The following CNTNAP2 variants were observed in gnomAD, a reference collection of about 807,000 sequenced individuals.
CNTNAP2 encodes contactin associated protein 2, also known as contactin-associated protein-like 2.
A neutral mutation model predicts 155.2 loss-of-function variants in CNTNAP2; 98 were observed. The observed-to-expected ratio is 0.63, with a 90% CI of 0.54 to 0.75. CNTNAP2 has a LOEUF of 0.75. Ranked by LOEUF, CNTNAP2 falls within the 30% of genes least tolerant of loss-of-function variation. The pLI is 0.00. For synonymous variants in CNTNAP2, 651 were observed against 631.2 expected, an observed-to-expected ratio of 1.03 and a Z score of -0.47; for missense variants, 1,727 against 1,688.1, an observed-to-expected ratio of 1.02 and a Z score of -0.40.
chr7:147,522,546 T>A (rs990630144), intron 11 of CNTNAP2, among the ~76,000 whole-genome samples: 37 of 152,070 alleles, frequency 2.4e-4, no homozygotes, highest in Middle Eastern at 3.4e-3. Flanking sequence ...AAAAAAAAAT[T>A]TCAAGGGAGC....
intron 13 of CNTNAP2, among the ~76,000 whole-genome samples, chr7:147,803,292 G>A (rs1798037218): frequency 6.6e-6 from 1 of 152,184 alleles, no homozygotes; most frequent in South Asian, 2.1e-4. Flanking sequence ...TCAGCCTAGA[G>A]CCTAATTCTG....
At chr7:147,641,548 A>G (rs1179888100) in intron 13 of CNTNAP2, among the ~76,000 whole-genome samples, 2 of 152,176 alleles carry the variant, frequency 1.3e-5, no homozygotes, top group Non-Finnish European at 2.9e-5. Flanking sequence ...AATGAGTGCT[A>G]TGGACTGAAT....
intron 15 of CNTNAP2, among the ~76,000 whole-genome samples, chr7:148,045,335 G>A (rs1379642962): frequency 6.6e-6 from 1 of 152,038 alleles, no homozygotes; most frequent in African/African-American, 2.4e-5. Flanking sequence ...GTGGGTGGTG[G>A]GGGGCGTTAC....
At chr7:146,776,146 C>A (rs1585085090) in intron 2 of CNTNAP2, among the ~76,000 whole-genome samples, 1 of 152,104 alleles carries the variant, frequency 6.6e-6, no homozygotes, top group Admixed American at 6.5e-5. Flanking sequence ...TGATACAGAC[C>A]TTCCCATTAC....
At chr7:147,881,795 A>G (rs1330789666) in intron 13 of CNTNAP2, among the ~76,000 whole-genome samples, 2 of 152,184 alleles carry the variant, frequency 1.3e-5, no homozygotes, top group Admixed American at 6.5e-5. Context: ...ACAACGGTGA[A>G]ACCCCGTCTC....
At chr7:147,605,509 G>A (rs1279230477) in intron 12 of CNTNAP2, among the ~76,000 whole-genome samples, 6 of 152,250 alleles carry the variant, frequency 3.9e-5, no homozygotes, top group African/African-American at 7.2e-5. Flanking sequence ...TGCAGATAAA[G>A]TCTCTCTGGT....
chr7:146,942,380 T>C (rs11972077), intron 3 of CNTNAP2, among the ~76,000 whole-genome samples: 1,857 of 152,140 alleles, frequency 0.012, 36 homozygotes, highest in African/African-American at 0.043. Flanking sequence ...CAAATTCAAA[T>C]AAATGACATT....
At chr7:147,853,243 T>G (rs1360732879) in intron 13 of CNTNAP2, among the ~76,000 whole-genome samples, 6 of 152,314 alleles carry the variant, frequency 3.9e-5, no homozygotes, top group African/African-American at 1.2e-4. Flanking sequence ...AAGTCTGAAT[T>G]AGAAATCACC....
chr7:146,507,205 T>C lies in CNTNAP2; in HGVS notation c.98-267066T>C, dbSNP rs527290284. Among the ~76,000 whole-genome samples, 31 of 152,290 alleles carry C rather than the reference T, an allele frequency of 2.0e-4. No homozygotes were observed. The South Asian group carries it at 5.6e-3, about 27-fold the overall frequency. Reference sequence around the variant, plus strand: ...GTCACACTCTCACAAGCCTGAAGGGTGGCATATACAGTTGTTAATTCCTTC... The same window carrying C: ...GTCACACTCTCACAAGCCTGAAGGGCGGCATATACAGTTGTTAATTCCTTC... On this transcript the variant is annotated intron_variant, in intron 1 of 23. Transcript: ENST00000361727.
intron 13 of CNTNAP2, among the ~76,000 whole-genome samples, chr7:147,732,711 T>A (rs1181515999): frequency 3.3e-5 from 5 of 152,222 alleles, no homozygotes; most frequent in Non-Finnish European, 2.9e-5. Flanking sequence ...GTTTCCTGAC[T>A]TTTTAATGAC....
chr7:147,188,464 C>A (rs560249883), intron 8 of CNTNAP2, among the ~76,000 whole-genome samples: 1 of 152,192 alleles, frequency 6.6e-6, no homozygotes, highest in African/African-American at 2.4e-5. Flanking sequence ...ATGAAATTGA[C>A]TATCCCCAAG....
chr7:147,622,824 A>G (rs1156929815), intron 12 of CNTNAP2, among the ~76,000 whole-genome samples: 4 of 152,044 alleles, frequency 2.6e-5, no homozygotes, highest in Non-Finnish European at 4.4e-5. Flanking sequence ...ACAAAAGACC[A>G]ATGAAACAAA....
intron 1 of CNTNAP2, among the ~76,000 whole-genome samples, chr7:146,229,173 C>T (rs1799343458): frequency 6.6e-6 from 1 of 152,050 alleles, no homozygotes; most frequent in Non-Finnish European, 1.5e-5. Flanking sequence ...CAATGAATTG[C>T]CATCGGGTCA....
intron 2 of CNTNAP2, among the ~76,000 whole-genome samples, chr7:146,823,131 A>G (rs1037397890): frequency 5.4e-4 from 68 of 126,156 alleles, no homozygotes; most frequent in African/African-American, 1.9e-3. Flanking sequence ...AAATATACTC[A>G]TTCTTCAGCA....
chr7:147,567,242 T>C (rs1800192776), intron 12 of CNTNAP2, among the ~76,000 whole-genome samples: 1 of 152,146 alleles, frequency 6.6e-6, no homozygotes, highest in African/African-American at 2.4e-5. Flanking sequence ...GGCTGACTCA[T>C]GAGCTGAGTG....
intron 1 of CNTNAP2, among the ~76,000 whole-genome samples, chr7:146,753,788 T>G (rs1801946038): frequency 6.6e-6 from 1 of 152,064 alleles, no homozygotes; most frequent in East Asian, 1.9e-4. Flanking sequence ...CAGCTGTCTG[T>G]TTGCCATATG....
intron 1 of CNTNAP2, among the ~76,000 whole-genome samples, chr7:146,479,583 C>G (rs940903253): frequency 1.3e-5 from 2 of 151,798 alleles, no homozygotes; most frequent in Non-Finnish European, 2.9e-5. Flanking sequence ...TTCTCAGTGT[C>G]TAAACATACA....
At chr7:146,887,411 C>T (rs962890104) in intron 3 of CNTNAP2, among the ~76,000 whole-genome samples, 2 of 151,876 alleles carry the variant, frequency 1.3e-5, no homozygotes, top group African/African-American at 4.8e-5. Context: ...TCCTGTAATC[C>T]TAGCACTTTG....
intron 10 of CNTNAP2, among the ~76,000 whole-genome samples, chr7:147,439,560 G>A (rs1308682721): frequency 6.6e-6 from 1 of 151,840 alleles, no homozygotes; most frequent in African/African-American, 2.4e-5. Context: ...TTCTGTAGCC[G>A]TTGGATGAAA....
Sources: allele counts gnomAD v4.1 joint callset (sites outside exome capture counted in the v4.1 genomes callset), GRCh38; gene constraint gnomAD v4.1.1; transcripts MANE v1.5; gene names NCBI Gene and HGNC (gene_info 2026-07-23, HGNC 2026-07-21).